FGF14: variants seen among roughly 807,000 people sequenced by gnomAD.
FGF14 encodes fibroblast growth factor homologous factor 4.
In FGF14, 5 loss-of-function variants were observed where a neutral mutation model predicts 25.5. The ratio of observed to expected loss-of-function variants is 0.20; its 90% CI spans 0.10 to 0.41. The LOEUF is 0.41. Among genes scored for constraint, FGF14 ranks in the 10% least tolerant of loss-of-function variants. FGF14 has a pLI of 1.00. For missense variants in FGF14, 222 were observed against 320.1 expected, an observed-to-expected ratio of 0.69 and a Z score of 2.34; for synonymous variants, 138 against 118.3, an observed-to-expected ratio of 1.17 and a Z score of -1.08.
At chr13:102,355,001 T>C (rs1314202003) in intron 1 of FGF14, among the ~76,000 whole-genome samples, 1 of 152,192 alleles carries the variant, frequency 6.6e-6, no homozygotes, top group Non-Finnish European at 1.5e-5. Flanking sequence ...TATTCTTACA[T>C]ATTTTGTAGC....
chr13:102,115,152 T>G (rs922811256), intron 1 of FGF14, among the ~76,000 whole-genome samples: 3 of 152,144 alleles, frequency 2.0e-5, no homozygotes, highest in Non-Finnish European at 4.4e-5. Flanking sequence ...ACAGCACAGT[T>G]GCTTATGCAT....
chr13:102,339,488 C>T (rs2056887459), intron 1 of FGF14, among the ~76,000 whole-genome samples: 1 of 151,890 alleles, frequency 6.6e-6, no homozygotes, highest in African/African-American at 2.4e-5. Context: ...AAATGTCTAA[C>T]AAAATCAGTA....
chr13:101,833,847 G>T (rs1433557507), intron 3 of FGF14, among the ~76,000 whole-genome samples: 1 of 151,960 alleles, frequency 6.6e-6, no homozygotes, highest in Non-Finnish European at 1.5e-5. Flanking sequence ...TTGTAGACTT[G>T]GGGCAACTAA....
intron 1 of FGF14, among the ~76,000 whole-genome samples, chr13:102,385,943 A>G (rs1244751674): frequency 1.3e-5 from 2 of 152,186 alleles, no homozygotes; most frequent in South Asian, 2.1e-4. Flanking sequence ...ATTTTGCCAT[A>G]ATGTAATATA....
At chr13:102,341,538 T>C (rs947250832) in intron 1 of FGF14, among the ~76,000 whole-genome samples, 40 of 152,162 alleles carry the variant, frequency 2.6e-4, no homozygotes, top group African/African-American at 9.7e-4. Context: ...TCTTTTCCCC[T>C]TCCCCAACCT....
intron 1 of FGF14, among the ~76,000 whole-genome samples, chr13:102,139,055 T>G (rs75976524): frequency 7.2e-5 from 11 of 152,332 alleles, no homozygotes; most frequent in Admixed American, 7.2e-4. Flanking sequence ...ACAAGTTCCA[T>G]GTAAACAATG....
chr13:102,383,929 TA>T (rs1328929011), intron 1 of FGF14, among the ~76,000 whole-genome samples: 1 of 152,182 alleles, frequency 6.6e-6, no homozygotes. Context: ...ATATCTTTTT[TA>T]AAAGGAGACC....
At chr13:102,194,180 C>T (rs1215518270) in intron 1 of FGF14, among the ~76,000 whole-genome samples, 2 of 151,878 alleles carry the variant, frequency 1.3e-5, no homozygotes, top group Non-Finnish European at 2.9e-5. Context: ...TTCTATGTTA[C>T]AAAATTAGCC....
At chr13:102,124,454 A>G (rs567011799) in intron 1 of FGF14, among the ~76,000 whole-genome samples, 4 of 152,288 alleles carry the variant, frequency 2.6e-5, no homozygotes, top group Admixed American at 6.5e-5. Flanking sequence ...ACAATGGAAT[A>G]TGCAGCTATT....
At chr13:102,365,923 CAAT>C (rs1417708395) in intron 1 of FGF14, among the ~76,000 whole-genome samples, 4 of 152,026 alleles carry the variant, frequency 2.6e-5, no homozygotes, top group South Asian at 2.1e-4. Context: ...ATATTTCCAA[CAAT>C]AATATGTTGT....
At chr13:101,968,470 G>A (rs1003651051) in intron 1 of FGF14, among the ~76,000 whole-genome samples, 6 of 151,804 alleles carry the variant, frequency 4.0e-5, no homozygotes, top group African/African-American at 1.5e-4. Context: ...TCAGGAGATC[G>A]AGACCATCCT....
At chr13:101,909,788 C>A (rs575150765) in intron 1 of FGF14, among the ~76,000 whole-genome samples, 2 of 152,278 alleles carry the variant, frequency 1.3e-5, no homozygotes, top group African/African-American at 4.8e-5. Flanking sequence ...AAGACACACG[C>A]ACACATATGT....
intron 1 of FGF14, among the ~76,000 whole-genome samples, chr13:102,061,306 C>G (rs916496406): frequency 6.6e-6 from 1 of 152,198 alleles, no homozygotes; most frequent in East Asian, 1.9e-4. Context: ...TAACACCTGC[C>G]CACTGGGGCT....
At chr13:101,925,971 T>A (rs986701787) in intron 1 of FGF14, among the ~76,000 whole-genome samples, 1 of 152,200 alleles carries the variant, frequency 6.6e-6, no homozygotes, top group Non-Finnish European at 1.5e-5. Flanking sequence ...CTTGCTTCCA[T>A]TGTCACATTT....
chr13:101,895,618 C>T (rs1029731035), intron 1 of FGF14, among the ~76,000 whole-genome samples: 2 of 152,078 alleles, frequency 1.3e-5, no homozygotes, highest in Non-Finnish European at 2.9e-5. Context: ...AACATACCTG[C>T]CCGAGAGAAG....
chr13:101,779,283 T>TGTA (rs1290556257), intron 3 of FGF14, among the ~76,000 whole-genome samples: 18 of 152,224 alleles, frequency 1.2e-4, no homozygotes, highest in Admixed American at 4.6e-4. Context: ...AGGCCAGAGG[T>TGTA]TGTAGCTGGG....
At chr13:102,157,855 G>T (rs2047421034) in intron 1 of FGF14, among the ~76,000 whole-genome samples, 1 of 152,128 alleles carries the variant, frequency 6.6e-6, no homozygotes, top group Non-Finnish European at 1.5e-5. Flanking sequence ...TCAAAAAGTG[G>T]GAGAAGATAT....
chr13:101,726,088 TG>T (rs2035402926), intron 4 of FGF14, among the ~76,000 whole-genome samples: 2 of 152,042 alleles, frequency 1.3e-5, no homozygotes, highest in Non-Finnish European at 2.9e-5. Context: ...AAAGCAGATG[TG>T]TAATATCAGC....
At chr13:102,096,722 A>T (rs1002523980) in intron 1 of FGF14, among the ~76,000 whole-genome samples, 4 of 152,174 alleles carry the variant, frequency 2.6e-5, no homozygotes, top group Non-Finnish European at 5.9e-5. Context: ...TCAAGCTGCC[A>T]TTAAACATGC....
Sources: gnomAD v4.1 joint callset for allele counts (sites outside exome capture counted in the v4.1 genomes callset) on GRCh38, gnomAD v4.1.1 for gene constraint, MANE v1.5 for transcripts, NCBI Gene and HGNC (gene_info 2026-07-23, HGNC 2026-07-21) for gene names.